PI4KA: variants seen among roughly 807,000 people sequenced by gnomAD.
PI4KA encodes phosphatidylinositol 4-kinase alpha, also known as PI4-kinase alpha.
Under a neutral mutation model 271.4 loss-of-function variants are expected in PI4KA, and 122 were observed. That is an observed-to-expected ratio of 0.45 (90% CI 0.39 to 0.52). The LOEUF (loss-of-function observed/expected upper bound fraction) is 0.52, where lower values mean the gene tolerates loss of function less well. Among genes scored for constraint, PI4KA ranks in the 20% least tolerant of loss-of-function variants. The probability of loss-of-function intolerance (pLI) is 0.00; values close to 1 mark genes in which losing one functional copy is unlikely to be tolerated. For synonymous variants in PI4KA, 1,041 were observed against 1,078.8 expected (o/e 0.96, Z 0.69); for missense variants, 1,969 against 2,769.1 (o/e 0.71, Z 6.48).
chr22:20,734,464 C>G lies in PI4KA; in HGVS notation c.3831G>C (p.Leu1277=), dbSNP rs373164212. 8 of 1,613,486 alleles carry G rather than the reference C, an allele frequency of 5.0e-6. No homozygotes were observed. Among genetic ancestry groups the G allele is most frequent in the Non-Finnish European group, 6.8e-6 (8 of 1,179,734 alleles). ...TGGGTTGACTTGCTTCCGAGGCAGC[C>G]AGGGGGTCTGCTTCCTTTATCTCAG... ...FSAEIKEADP[L]AASEASQPKP... The change falls in exon 33 of 55, where the codon CTG becomes CTC. Residue 1277 remains leucine (L), a synonymous_variant. Transcript: ENST00000255882.
chr22:20,734,879 T>G (rs1315834658), intron 32 of PI4KA, among the ~76,000 whole-genome samples: 1 of 152,110 alleles, frequency 6.6e-6, no homozygotes, highest in Non-Finnish European at 1.5e-5. Context: ...TCTATAACCC[T>G]GATAACCCTC....
rs778809633 is a variant in PI4KA at position 20,753,013 on chromosome 22, C to G, written c.2877G>C (p.Glu959Asp). Residue 959 changes from glutamate to aspartate, a missense_variant, in exon 25 of 55, where the codon GAG (glutamate) becomes GAC (aspartate). Transcript: ENST00000255882. The part of the protein sequence containing the change: ...NMMADKAKTK[E>D]NEEELERHAQ... ...CGTGCCGCTCCAGCTCCTCCTCGTT[C>G]TCCTTGGTCTTGGCCTAGAGATGCA... 8.1e-6 allele frequency: 13 copies of G among 1,614,234 alleles called. No homozygotes were observed. Among genetic ancestry groups the G allele is most frequent in the Non-Finnish European group, 1.1e-5 (13 of 1,180,048 alleles).
chr22:20,820,543 G>T lies in PI4KA; in HGVS notation c.525C>A (p.Asp175Glu). ...AAACCTTAAGGATACTCGTACCTTT[G>T]TCTTGAATCTCCAAGGCCTGGCACA... is the stretch of plus-strand genomic sequence containing the variant. Reference protein sequence around the residue: ...LGMCQALEIQDKEYLCKYAIP... With the variant: ...LGMCQALEIQEKEYLCKYAIP... Residue 175 changes from aspartate (D) to glutamate (E), a missense_variant, in exon 5 of 55, where the codon GAC becomes GAA. Around this residue, in one of 13 missense-constraint regions of PI4KA, gnomAD observed 540 missense variants for 555.5 expected, o/e 0.97. Transcript: ENST00000255882. The T allele has an allele frequency of 6.2e-7, 1 of 1,602,396 alleles. No individual in the cohort carries two copies. Among genetic ancestry groups the T allele is most frequent in the Non-Finnish European group, 8.5e-7 (1 of 1,171,356 alleles).
At chr22:20,752,377 G>A (rs73160987) in intron 25 of PI4KA, among the ~76,000 whole-genome samples, 10,588 of 152,298 alleles carry the variant, frequency 0.07, 352 homozygotes, top group East Asian at 0.08. Flanking sequence ...GGAGCTGCAG[G>A]CAGCCTCCAT....
chr22:20,811,591 G>A (rs1921009953), intron 8 of PI4KA, among the ~76,000 whole-genome samples: 1 of 124,996 alleles, frequency 8.0e-6, no homozygotes, highest in Non-Finnish European at 1.6e-5. Context: ...GAATTGTTCT[G>A]TCAACTGCAG....
chr22:20,756,206 C>T (rs1400105972), intron 23 of PI4KA, among the ~76,000 whole-genome samples: 3 of 141,276 alleles, frequency 2.1e-5, no homozygotes, highest in African/African-American at 7.8e-5. Context: ...AGTATAATAG[C>T]TTTTTTTTTT....
chr22:20,786,908 GA>G (rs759394435), intron 19 of PI4KA: 14 of 1,614,136 alleles, frequency 8.7e-6, no homozygotes, highest in Non-Finnish European at 1.2e-5. Context: ...AGTGAACGAG[GA>G]AGGCACCCAA....
intron 45 of PI4KA, among the ~76,000 whole-genome samples, chr22:20,715,910 A>T (rs1249401525): frequency 6.6e-6 from 1 of 151,474 alleles, no homozygotes; most frequent in African/African-American, 2.4e-5. Context: ...TGCTTTTTTG[A>T]GATAGAGTCT....
chr22:20,773,653 C>T (rs575125235), intron 19 of PI4KA, among the ~76,000 whole-genome samples: 2 of 152,332 alleles, frequency 1.3e-5, no homozygotes, highest in African/African-American at 4.8e-5. Flanking sequence ...GAGGAACGAG[C>T]TCTTGGAAGG....
chr22:20,746,060 AATT>A (rs1930040734), intron 29 of PI4KA, among the ~76,000 whole-genome samples: 2 of 52,054 alleles, frequency 3.8e-5, no homozygotes, highest in Non-Finnish European at 7.5e-5. Context: ...AAAAAAAAAG[AATT>A]TTTTTTTTTT....
chr22:20,725,548 C>G, intron 42 of PI4KA: 1 of 450,928 alleles, frequency 2.2e-6, no homozygotes, highest in Non-Finnish European at 4.5e-6. Context: ...GATTAGGACA[C>G]AGACACACAC....
intron 23 of PI4KA, 86 bp downstream of exon 23, chr22:20,761,218 C>T: frequency 2.6e-6 from 2 of 781,838 alleles, no homozygotes; most frequent in South Asian, 2.8e-5. Context: ...ACATTTTCTA[C>T]ATGTAGACAG....
intron 32 of PI4KA, among the ~76,000 whole-genome samples, chr22:20,739,435 G>A (rs1454522807): frequency 6.0e-5 from 9 of 148,910 alleles, no homozygotes; most frequent in African/African-American, 1.2e-4. Context: ...GGAATTTGAC[G>A]TCAGCCTGGG....
At chr22:20,794,132 G>A (rs1440276733) in intron 18 of PI4KA, among the ~76,000 whole-genome samples, 4 of 152,246 alleles carry the variant, frequency 2.6e-5, no homozygotes, top group East Asian at 1.9e-4. Context: ...AGAATGCCAA[G>A]CTGTTTTCCC....
chr22:20,782,080 A>C (rs1177490414), intron 19 of PI4KA, among the ~76,000 whole-genome samples: 1 of 152,252 alleles, frequency 6.6e-6, no homozygotes, highest in African/African-American at 2.4e-5. Context: ...ACCTATGTTT[A>C]GGACTGACTT....
intron 22 of PI4KA, among the ~76,000 whole-genome samples, chr22:20,764,371 G>A (rs924590438): frequency 1.1e-4 from 16 of 152,346 alleles, no homozygotes; most frequent in African/African-American, 3.8e-4. Flanking sequence ...GGCCACAGAT[G>A]TGTCCTGAGC....
intron 1 of PI4KA, among the ~76,000 whole-genome samples, chr22:20,858,273 G>C (rs551557590): frequency 1.3e-5 from 2 of 152,052 alleles, no homozygotes; most frequent in Admixed American, 1.3e-4. Flanking sequence ...CCACCTCCGC[G>C]ATGTCACAAG....
intron 19 of PI4KA, chr22:20,786,145 C>T: frequency 1.2e-6 from 2 of 1,614,028 alleles, no homozygotes; most frequent in Non-Finnish European, 1.7e-6. Flanking sequence ...TCGCCATCGA[C>T]CTGGTAACCA....
intron 4 of PI4KA, 141 bp downstream of exon 4, chr22:20,824,185 A>G: frequency 1.5e-6 from 1 of 689,046 alleles, no homozygotes; most frequent in African/African-American, 1.8e-5. Flanking sequence ...AGCATGTCTT[A>G]GGTCTGCTGT....
Sources: gnomAD v4.1 joint callset for allele counts (sites outside exome capture counted in the v4.1 genomes callset) on GRCh38, gnomAD v4.1.1 for gene constraint, gnomAD v4.1.1 regional missense constraint, MANE v1.5 for transcripts, NCBI Gene and HGNC (gene_info 2026-07-23, HGNC 2026-07-21) for gene names.